STAC: variants seen among roughly 807,000 people sequenced by gnomAD.
The protein encoded by STAC is SH3 and cysteine rich domain, also known as SH3 and cysteine-rich domain-containing protein.
In STAC, 43 loss-of-function variants were observed where a neutral mutation model predicts 48.8. The ratio of observed to expected loss-of-function variants is 0.88; its 90% CI spans 0.69 to 1.14. The LOEUF is 1.14. STAC is among the 50% of genes most tolerant of loss of function. The pLI, the probability that STAC is intolerant of heterozygous loss-of-function variation, is 0.00. For missense variants in STAC, 497 were observed against 504.0 expected, an observed-to-expected ratio of 0.99 and a Z score of 0.13; for synonymous variants, 193 against 179.5, an observed-to-expected ratio of 1.07 and a Z score of -0.60.
rs145230726 is a variant in STAC at position 36,445,703 on chromosome 3, C to G, written c.388+2063C>G. On this transcript the variant is annotated intron_variant, in intron 2 of 10. Transcript: ENST00000273183. ...TTCTTTCCTTCAAGCCACACGTTAT[C>G]CTCATATTCTAGATTTTAGGGAAAG... Among the ~76,000 whole-genome samples the G allele has an allele frequency of 3.2e-4, 49 of 152,298 alleles. No homozygotes were observed. The East Asian group carries it at 8.7e-3, about 27-fold the overall frequency.
At chr3:36,537,945 A>G (rs992475775) in intron 10 of STAC, among the ~76,000 whole-genome samples, 1 of 151,934 alleles carries the variant, frequency 6.6e-6, no homozygotes, top group African/African-American at 2.4e-5. Context: ...GTTCTATCAA[A>G]GCTTTAAAAA....
At chr3:36,463,751 GA>G (rs1294549682) in intron 2 of STAC, among the ~76,000 whole-genome samples, 1 of 145,036 alleles carries the variant, frequency 6.9e-6, no homozygotes, top group African/African-American at 2.6e-5. Flanking sequence ...ACCTATGAGT[GA>G]GAACATGCGG....
At chr3:36,503,738 G>A (rs1179134258) in intron 6 of STAC, among the ~76,000 whole-genome samples, 1 of 151,988 alleles carries the variant, frequency 6.6e-6, no homozygotes, top group Non-Finnish European at 1.5e-5. Flanking sequence ...CAGCCTTCCT[G>A]CCCATTTTGT....
chr3:36,505,951 T>G, intron 8 of STAC, 117 bp downstream of exon 8: 1 of 645,202 alleles, frequency 1.5e-6, no homozygotes, highest in South Asian at 2.3e-5. Flanking sequence ...ATTCTCAAAC[T>G]TTAGCATGTA....
intron 1 of STAC, among the ~76,000 whole-genome samples, chr3:36,435,436 T>C (rs1043255104): frequency 1.3e-5 from 2 of 152,144 alleles, no homozygotes; most frequent in Non-Finnish European, 2.9e-5. Flanking sequence ...CCCACGGACA[T>C]GGCTCCAGCA....
chr3:36,451,739 T>C (rs1696689915), intron 2 of STAC, among the ~76,000 whole-genome samples: 1 of 152,226 alleles, frequency 6.6e-6, no homozygotes, highest in African/African-American at 2.4e-5. Flanking sequence ...CAAACATTCA[T>C]CATTTCTTTG....
chr3:36,431,027 A>C (rs967158290), intron 1 of STAC, among the ~76,000 whole-genome samples: 1 of 152,242 alleles, frequency 6.6e-6, no homozygotes, highest in Non-Finnish European at 1.5e-5. Context: ...CACTATTTGC[A>C]CGGTATTATG....
At chr3:36,458,033 C>T in intron 2 of STAC, among the ~76,000 whole-genome samples, 1 of 152,224 alleles carries the variant, frequency 6.6e-6, no homozygotes, top group East Asian at 1.9e-4. Flanking sequence ...AAAGCTAAGA[C>T]AGGGTTGGAA....
chr3:36,434,704 G>T (rs949251139), intron 1 of STAC, among the ~76,000 whole-genome samples: 2 of 152,198 alleles, frequency 1.3e-5, no homozygotes, highest in Non-Finnish European at 1.5e-5. Context: ...TGGCAGAAAT[G>T]ATCAGGGGCA....
intron 2 of STAC, among the ~76,000 whole-genome samples, chr3:36,449,338 T>C (rs1036303873): frequency 2.0e-5 from 3 of 152,208 alleles, no homozygotes; most frequent in Non-Finnish European, 4.4e-5. Context: ...TATCAACAGC[T>C]ACTTTTCCGT....
At chr3:36,498,570 A>G (rs1698204834) in intron 6 of STAC, among the ~76,000 whole-genome samples, 1 of 152,150 alleles carries the variant, frequency 6.6e-6, no homozygotes, top group Non-Finnish European at 1.5e-5. Context: ...CTTGGGAAAC[A>G]TTGTGAAACT....
intron 2 of STAC, among the ~76,000 whole-genome samples, chr3:36,474,113 A>C (rs55867323): frequency 0.031 from 4,758 of 152,218 alleles, 226 homozygotes; most frequent in African/African-American, 0.11. Context: ...GGGCTGTAGA[A>C]CCTTATAGGA....
chr3:36,412,535 CT>C (rs1383521630), intron 1 of STAC, among the ~76,000 whole-genome samples: 1 of 152,120 alleles, frequency 6.6e-6, no homozygotes, highest in Admixed American at 6.5e-5. Flanking sequence ...GAAAAAAAGA[CT>C]GAGAACTGCT....
At chr3:36,495,246 T>C (rs1698114638) in intron 6 of STAC, among the ~76,000 whole-genome samples, 1 of 152,234 alleles carries the variant, frequency 6.6e-6, no homozygotes, top group Non-Finnish European at 1.5e-5. Context: ...ATACTATCCA[T>C]ACATTGATGA....
intron 2 of STAC, among the ~76,000 whole-genome samples, chr3:36,452,519 C>T (rs1347117625): frequency 6.6e-6 from 1 of 151,996 alleles, no homozygotes; most frequent in Non-Finnish European, 1.5e-5. Flanking sequence ...AAGCCCGGGA[C>T]CTATTTAATA....
intron 2 of STAC, among the ~76,000 whole-genome samples, chr3:36,446,452 C>T (rs1348819250): frequency 6.6e-6 from 1 of 152,224 alleles, no homozygotes; most frequent in Non-Finnish European, 1.5e-5. Context: ...CTCCACCAAG[C>T]AGATCCACTC....
At chr3:36,488,829 C>T (rs964334264) in intron 5 of STAC, among the ~76,000 whole-genome samples, 1 of 152,108 alleles carries the variant, frequency 6.6e-6, no homozygotes, top group Non-Finnish European at 1.5e-5. Flanking sequence ...CCTGATTTAT[C>T]GACCCTTAAA....
rs1458100160 is a variant in STAC at position 36,482,982 on chromosome 3, T to A, written c.389-10T>A. The A allele has an allele frequency of 3.1e-6, 5 of 1,611,086 alleles. No homozygotes were observed. The highest frequency in any genetic ancestry group is 4.2e-6 in the Non-Finnish European group (5 of 1,177,452). ...TGTATCCTAACCAAAGTTTGCCATG[T>A]ACCTGACAGGAACAAATGCTAAGCA... On this transcript the variant is annotated splice_polypyrimidine_tract_variant and intron_variant, in intron 2 of 10. Coordinates refer to ENST00000273183, the MANE Select transcript of STAC (RefSeq NM_003149.3).
rs1300177488 is a variant in STAC, at chr3:36,407,293, C to T, written c.111+26539C>T. Among the ~76,000 whole-genome samples the T allele has an allele frequency of 3.3e-5, 5 of 152,110 alleles. No homozygotes were observed. In the East Asian group the frequency reaches 7.7e-4, roughly 23 times the overall value. ...ACAAACCAAAAAAAAATAGATAAAC[C>T]TTTAGCACCTGCCAGAAACACAAGG... On this transcript the variant is annotated intron_variant, in intron 1 of 10. Coordinates refer to ENST00000273183, the MANE Select transcript of STAC (RefSeq NM_003149.3).
Sources: allele counts gnomAD v4.1 joint callset (sites outside exome capture counted in the v4.1 genomes callset), GRCh38; gene constraint gnomAD v4.1.1; transcripts MANE v1.5; gene names NCBI Gene and HGNC (gene_info 2026-07-23, HGNC 2026-07-21).